Variants in NCALD observed in about 807,000 individuals in gnomAD.
NCALD encodes neurocalcin delta, also known as neurocalcin-delta.
NCALD carries 10 observed loss-of-function variants against 18.6 expected under a neutral mutation model. That is an observed-to-expected ratio of 0.54 (90% confidence interval 0.33 to 0.91). NCALD has a LOEUF of 0.91. Among genes scored for constraint, NCALD ranks in the 40% least tolerant of loss-of-function variants. The probability of loss-of-function intolerance (pLI) is 0.03; values close to 1 mark genes in which losing one functional copy is unlikely to be tolerated. For synonymous variants in NCALD, 88 were observed against 87.4 expected (o/e 1.01, Z -0.04); for missense variants, 184 against 247.6 (o/e 0.74, Z 1.72).
intron 1 of NCALD, among the ~76,000 whole-genome samples, chr8:102,058,658 T>C (rs769198257): frequency 2.6e-5 from 4 of 152,230 alleles, no homozygotes; most frequent in Non-Finnish European, 5.9e-5. Context: ...TTTTTCTTTC[T>C]AAGACAGTCT....
intron 2 of NCALD, among the ~76,000 whole-genome samples, chr8:101,950,053 T>G (rs1819331385): frequency 6.6e-6 from 1 of 152,078 alleles, no homozygotes; most frequent in Admixed American, 6.6e-5. Flanking sequence ...CATTTAGACG[T>G]CAAGAAAGAG....
intron 2 of NCALD, among the ~76,000 whole-genome samples, chr8:101,957,296 T>TTTG (rs950555403): frequency 3.5e-5 from 5 of 144,036 alleles, no homozygotes; most frequent in African/African-American, 1.3e-4. Flanking sequence ...GGGGTTTTTT[T>TTTG]TTTTTTTTTT....
chr8:102,024,374 C>A (rs1283273158), intron 1 of NCALD, among the ~76,000 whole-genome samples: 1 of 152,112 alleles, frequency 6.6e-6, no homozygotes, highest in African/African-American at 2.4e-5. Context: ...GTTAATAGAT[C>A]AAAAATATTC....
chr8:101,968,715 C>T (rs1371584971), intron 2 of NCALD, among the ~76,000 whole-genome samples: 2 of 152,122 alleles, frequency 1.3e-5, no homozygotes, highest in African/African-American at 4.8e-5. Context: ...TCCCAAAACC[C>T]TCCACATCAC....
intron 1 of NCALD, among the ~76,000 whole-genome samples, chr8:102,040,885 G>T (rs1823028113): frequency 6.6e-6 from 1 of 152,190 alleles, no homozygotes; most frequent in Non-Finnish European, 1.5e-5. Context: ...AGCTCCCTAT[G>T]CCAGGGTTGC....
chr8:101,876,710 CA>C (rs1262852369), intron 4 of NCALD, among the ~76,000 whole-genome samples: 1 of 152,166 alleles, frequency 6.6e-6, no homozygotes, highest in Admixed American at 6.5e-5. Flanking sequence ...AAAATGTCAC[CA>C]GGACATTTAC....
intron 2 of NCALD, among the ~76,000 whole-genome samples, chr8:102,008,055 C>T (rs576181342): frequency 6.6e-6 from 1 of 152,330 alleles, no homozygotes; most frequent in South Asian, 2.1e-4. Flanking sequence ...TTCCATTCAA[C>T]ATTTTCTATG....
intron 4 of NCALD, among the ~76,000 whole-genome samples, chr8:101,843,397 G>A (rs1586616701): frequency 6.6e-6 from 1 of 152,088 alleles, no homozygotes; most frequent in Non-Finnish European, 1.5e-5. Flanking sequence ...CCCTCCAGGG[G>A]ATTTTGATGC....
rs371075649 is a variant in NCALD at position 101,961,357 on chromosome 8, T to C, written c.-156-45499A>G. ...TAACTTTGGGCAAGCCATAAAATTC[T>C]CTAAGCTTTAGTTTCCTCATCTATA... On this transcript the variant is annotated intron_variant, in intron 2 of 6. Coordinates refer to the NCALD transcript ENST00000311028. Among the ~76,000 whole-genome samples the C allele has an allele frequency of 9.8e-5, 15 of 152,322 alleles. No homozygotes were observed. In the East Asian group the frequency reaches 1.2e-3, roughly 12 times the overall value.
chr8:101,925,093 TC>T (rs1256459131), intron 2 of NCALD, among the ~76,000 whole-genome samples: 2 of 152,030 alleles, frequency 1.3e-5, no homozygotes, highest in African/African-American at 4.8e-5. Flanking sequence ...GAAACCAACC[TC>T]ATTCCAGAGA....
chr8:101,955,325 G>A (rs942064716), intron 2 of NCALD, among the ~76,000 whole-genome samples: 1 of 152,172 alleles, frequency 6.6e-6, no homozygotes, highest in Admixed American at 6.5e-5. Flanking sequence ...CTTTCGTAGA[G>A]AGGGCAAATG....
chr8:101,921,257 T>TAA (rs55994629), intron 2 of NCALD, among the ~76,000 whole-genome samples: 4 of 136,344 alleles, frequency 2.9e-5, no homozygotes, highest in African/African-American at 5.3e-5. Context: ...CAGAAATGTG[T>TAA]AAAAAAAAAA....
chr8:101,699,703 C>A lies in NCALD; in HGVS notation c.379-6807G>T, dbSNP rs963426280. 4.0e-4 allele frequency among the ~76,000 whole-genome samples: 61 copies of A among 152,040 alleles called. 1 individual carries two copies. The highest frequency in any genetic ancestry group is 5.9e-5 in the Non-Finnish European group (4 of 68,012). ...ACATATTCTCACTCATAAGTGGGAG[C>A]TGAACAATGAGAACACATGGACACA... On this transcript the variant is annotated intron_variant, in intron 2 of 3. Coordinates refer to ENST00000220931, the MANE Select transcript of NCALD (RefSeq NM_032041.3).
At chr8:101,949,703 T>C (rs973322062) in intron 2 of NCALD, among the ~76,000 whole-genome samples, 1 of 152,156 alleles carries the variant, frequency 6.6e-6, no homozygotes, top group Admixed American at 6.5e-5. Flanking sequence ...CAAGTGGTTA[T>C]GTTTTGTATT....
intron 4 of NCALD, among the ~76,000 whole-genome samples, chr8:101,868,859 T>C (rs1470565592): frequency 3.3e-5 from 5 of 152,260 alleles, no homozygotes; most frequent in African/African-American, 1.2e-4. Flanking sequence ...TCATTTTCAA[T>C]AAATCTCTGC....
chr8:101,703,202 G>A (rs953520648), intron 2 of NCALD, among the ~76,000 whole-genome samples: 7 of 151,248 alleles, frequency 4.6e-5, no homozygotes, highest in African/African-American at 1.7e-4. Context: ...TTCTTCATGA[G>A]ATTTGTCTTC....
intron 1 of NCALD, among the ~76,000 whole-genome samples, chr8:102,114,440 G>A (rs751879282): frequency 3.3e-5 from 5 of 152,212 alleles, no homozygotes; most frequent in Non-Finnish European, 7.3e-5. Context: ...AGGCTATTGA[G>A]AAGAAAGTCA....
In NCALD at chr8:101,712,587, C is replaced by CAAAAAA. The variant is rs201729096; in HGVS notation, c.378+6659_378+6664dup. 3.2e-4 allele frequency among the ~76,000 whole-genome samples: 25 copies of CAAAAAA among 78,888 alleles called. 1 individual carries two copies. Among genetic ancestry groups the CAAAAAA allele is most frequent in the African/African-American group, 4.7e-4 (9 of 19,116 alleles). 51.8% of individuals were successfully genotyped at this position (78,888 alleles called of 152,430 possible). ...GAAGATTTACCAAACAAATGGAAAGCAAAAAAAAAAAAAAAAAAAAAAAAT... is the reference window on the plus strand; with the variant it reads ...GAAGATTTACCAAACAAATGGAAAGCAAAAAAAAAAAAAAAAAAAAAAAAAAAAAAT... On this transcript the variant is annotated intron_variant, in intron 2 of 3. Coordinates refer to ENST00000220931, the MANE Select transcript of NCALD (RefSeq NM_032041.3).
intron 1 of NCALD, among the ~76,000 whole-genome samples, chr8:101,769,682 G>A (rs563372672): frequency 1.7e-4 from 26 of 150,866 alleles, no homozygotes; most frequent in Admixed American, 3.3e-4. Context: ...TACCTGCAAC[G>A]GCATCTTTCA....
Sources: gnomAD v4.1 joint callset for allele counts (sites outside exome capture counted in the v4.1 genomes callset) on GRCh38, gnomAD v4.1.1 for gene constraint, MANE v1.5 for transcripts, NCBI Gene and HGNC (gene_info 2026-07-23, HGNC 2026-07-21) for gene names.